Variants in THSD7A observed in about 807,000 individuals in gnomAD.
The protein encoded by THSD7A is thrombospondin type-1 domain-containing protein 7A.
THSD7A carries 96 observed loss-of-function variants against 231.3 expected under a neutral mutation model. The ratio of observed to expected loss-of-function variants is 0.41; its 90% confidence interval spans 0.35 to 0.49. The LOEUF (loss-of-function observed/expected upper bound fraction) is 0.49, where lower values mean the gene tolerates loss of function less well. Among genes scored for constraint, THSD7A ranks in the 20% least tolerant of loss-of-function variants. THSD7A has a pLI of 0.05. For missense variants in THSD7A, 2,290 were observed against 2,070.2 expected, an observed-to-expected ratio of 1.11 and a Z score of -2.06; for synonymous variants, 940 against 743.3, an observed-to-expected ratio of 1.26 and a Z score of -4.30.
chr7:11,381,915 G>A (rs892631366), intron 24 of THSD7A, among the ~76,000 whole-genome samples: 2 of 152,088 alleles, frequency 1.3e-5, no homozygotes, highest in African/African-American at 2.4e-5. Context: ...TATGTTGGTC[G>A]AAGTACAATC....
At chr7:11,681,631 G>A (rs1002614481) in intron 1 of THSD7A, among the ~76,000 whole-genome samples, 10 of 151,832 alleles carry the variant, frequency 6.6e-5, no homozygotes, top group African/African-American at 2.2e-4. Flanking sequence ...ACAAACCTAC[G>A]ACTCACTGAC....
intron 23 of THSD7A, among the ~76,000 whole-genome samples, chr7:11,389,139 T>C (rs2115323199): frequency 6.6e-6 from 1 of 152,248 alleles, no homozygotes; most frequent in East Asian, 1.9e-4. Context: ...CAGAGCTGAG[T>C]TCAAGTCAAG....
intron 9 of THSD7A, among the ~76,000 whole-genome samples, chr7:11,462,821 T>C (rs2128298758): frequency 1.3e-5 from 2 of 152,126 alleles, no homozygotes; most frequent in South Asian, 4.2e-4. Context: ...ATGTTAAAAA[T>C]GGAAAAAATT....
intron 1 of THSD7A, among the ~76,000 whole-genome samples, chr7:11,714,091 C>G (rs1251041118): frequency 6.6e-6 from 1 of 151,116 alleles, no homozygotes; most frequent in Non-Finnish European, 1.5e-5. Flanking sequence ...ATGAAGGTCA[C>G]AGTCAAAAAA....
rs1044072483 is a variant in THSD7A at position 11,489,771 on chromosome 7, C to A, written c.1823-7789G>T. ...TACTGCAAGAGTTGAGTTCAATCTT[C>A]TCCTGTTTTAATAATCTCAAATACA... On this transcript the variant is annotated intron_variant, in intron 6 of 27. Transcript: ENST00000423059. Among the ~76,000 whole-genome samples the A allele has an allele frequency of 7.2e-5, 11 of 152,196 alleles. 2 individuals carry two copies. In the East Asian group the frequency reaches 2.1e-3, roughly 29 times the overall value.
intron 1 of THSD7A, among the ~76,000 whole-genome samples, chr7:11,769,153 A>ATTTTTTTTTTTTTTTTTTTTTTTTTTT (rs1227041855): frequency 7.2e-5 from 2 of 27,648 alleles, no homozygotes; most frequent in Non-Finnish European, 1.4e-4. Context: ...ATATATATAT[A>ATTTTTTTTTTTTTTTTTTTTTTTTTTT]TTTTTTTTTT....
chr7:11,459,283 A>T (rs1385465980), intron 11 of THSD7A, among the ~76,000 whole-genome samples: 3 of 152,084 alleles, frequency 2.0e-5, no homozygotes, highest in Non-Finnish European at 4.4e-5. Flanking sequence ...ATGGAGACTA[A>T]AACTTATGTT....
chr7:11,542,635 A>G (rs1044694331), intron 5 of THSD7A, among the ~76,000 whole-genome samples: 2 of 152,188 alleles, frequency 1.3e-5, no homozygotes, highest in Non-Finnish European at 2.9e-5. Flanking sequence ...AGGTTTAGAT[A>G]TGTTAGTTAA....
At chr7:11,543,142 T>TA in intron 4 of THSD7A, 25 bp from the exon 5 acceptor site, 1 of 1,591,902 alleles carries the variant, frequency 6.3e-7, no homozygotes, top group Non-Finnish European at 8.6e-7. Context: ...AGACACATAT[T>TA]AAAAAATGAA....
chr7:11,462,670 C>A (rs1015676665), intron 9 of THSD7A, among the ~76,000 whole-genome samples: 3 of 152,088 alleles, frequency 2.0e-5, no homozygotes, highest in Non-Finnish European at 4.4e-5. Flanking sequence ...GTTAGACAGT[C>A]TAAGACCTTC....
At chr7:11,566,086 A>C (rs540657627) in intron 4 of THSD7A, among the ~76,000 whole-genome samples, 3 of 152,298 alleles carry the variant, frequency 2.0e-5, no homozygotes, top group Admixed American at 1.3e-4. Context: ...TACTTAAACT[A>C]CTGCATGTGT....
intron 2 of THSD7A, among the ~76,000 whole-genome samples, chr7:11,598,348 C>T (rs1001869540): frequency 1.3e-5 from 2 of 152,198 alleles, no homozygotes; most frequent in Admixed American, 6.5e-5. Flanking sequence ...TGGGTGACCT[C>T]AGCAGAGGAG....
At chr7:11,646,121 G>C (rs1584139899) in intron 1 of THSD7A, among the ~76,000 whole-genome samples, 1 of 151,940 alleles carries the variant, frequency 6.6e-6, no homozygotes, top group African/African-American at 2.4e-5. Context: ...AAGAATTTGA[G>C]AGTGTTAGAA....
At chr7:11,573,795 A>C (rs1158693150) in intron 4 of THSD7A, among the ~76,000 whole-genome samples, 1 of 152,132 alleles carries the variant, frequency 6.6e-6, no homozygotes, top group African/African-American at 2.4e-5. Flanking sequence ...AATCGTATTT[A>C]TTGACGCTTG....
At chr7:11,706,122 T>C (rs1780756296) in intron 1 of THSD7A, among the ~76,000 whole-genome samples, 1 of 150,988 alleles carries the variant, frequency 6.6e-6, no homozygotes, top group South Asian at 2.1e-4. Flanking sequence ...AAGTTTGCTA[T>C]TCCATGTAGA....
chr7:11,381,854 G>C (rs941198745), intron 24 of THSD7A, among the ~76,000 whole-genome samples: 1 of 152,056 alleles, frequency 6.6e-6, no homozygotes, highest in Non-Finnish European at 1.5e-5. Context: ...ACGCTTACAG[G>C]CTTCAGATAG....
Position 11,822,029 on chromosome 7 carries a change from C to T in THSD7A, c.190+9728G>A, listed in dbSNP as rs150804440. ...CATTGCTCCAAGTATTACCTAGTTT[C>T]CCTCACCCTTTCCCAATATGCTATT... On this transcript the variant is annotated intron_variant, in intron 1 of 27. Transcript: ENST00000423059. Among the ~76,000 whole-genome samples the T allele has an allele frequency of 1.1e-4, 17 of 152,054 alleles. No homozygotes were observed. The East Asian group carries it at 3.3e-3, about 29-fold the overall frequency.
intron 6 of THSD7A, among the ~76,000 whole-genome samples, chr7:11,501,285 T>C (rs1583858615): frequency 6.6e-6 from 1 of 152,172 alleles, no homozygotes; most frequent in Non-Finnish European, 1.5e-5. Flanking sequence ...ATGGACCTGA[T>C]AGACTATACA....
intron 6 of THSD7A, among the ~76,000 whole-genome samples, chr7:11,486,959 G>A (rs530477771): frequency 1.3e-5 from 2 of 152,246 alleles, no homozygotes; most frequent in Non-Finnish European, 2.9e-5. Flanking sequence ...GAAAGAGGTT[G>A]AGATATAAAA....
Sources: gnomAD v4.1 joint callset for allele counts (sites outside exome capture counted in the v4.1 genomes callset) on GRCh38, gnomAD v4.1.1 for gene constraint, MANE v1.5 for transcripts, NCBI Gene and HGNC (gene_info 2026-07-23, HGNC 2026-07-21) for gene names.